Variants in MLIP observed in about 807,000 individuals in gnomAD.
MLIP encodes muscular LMNA-interacting protein.
A neutral mutation model predicts 84.8 loss-of-function variants in MLIP; 79 were observed. The observed-to-expected ratio is 0.93, with a 90% CI of 0.78 to 1.12. The LOEUF is 1.12. Ranked by LOEUF, MLIP falls within the 50% of genes most tolerant of loss-of-function variation. The pLI, the probability that MLIP is intolerant of heterozygous loss-of-function variation, is 0.00. For synonymous variants in MLIP, 504 were observed against 463.0 expected (o/e 1.09, Z -1.14); for missense variants, 1,257 against 1,160.6 (o/e 1.08, Z -1.21).
At chr6:54,020,073 C>G (rs970891357) in intron 1 of MLIP, among the ~76,000 whole-genome samples, 3 of 152,170 alleles carry the variant, frequency 2.0e-5, no homozygotes, top group Non-Finnish European at 4.4e-5. Flanking sequence ...AGAGTATTTT[C>G]CTTTCTGACT....
chr6:54,112,080 A>G (rs1279936161), intron 1 of MLIP, among the ~76,000 whole-genome samples: 2 of 152,204 alleles, frequency 1.3e-5, no homozygotes, highest in African/African-American at 4.8e-5. Flanking sequence ...TTCTATGACT[A>G]AATTAGTTTC....
chr6:54,234,543 C>G (rs991193539), intron 12 of MLIP, among the ~76,000 whole-genome samples: 3 of 152,062 alleles, frequency 2.0e-5, no homozygotes, highest in African/African-American at 7.2e-5. Context: ...GATGATGCTG[C>G]AAATCTATCA....
intron 13 of MLIP, among the ~76,000 whole-genome samples, chr6:54,261,448 G>A (rs769224752): frequency 9.2e-5 from 14 of 151,972 alleles, no homozygotes; most frequent in Non-Finnish European, 1.5e-4. Flanking sequence ...AGAGCTAATC[G>A]TTCACTAGCT....
chr6:54,124,862 G>T lies in MLIP; in HGVS notation c.642G>T (p.Gly214=). The T allele has an allele frequency of 1.3e-6, 2 of 1,576,682 alleles. No homozygotes were observed. Among genetic ancestry groups the T allele is most frequent in the Non-Finnish European group, 1.7e-6 (2 of 1,162,696 alleles). Reference sequence around the variant, plus strand: ...GGATGGCCCCTCAGCAAAAGCATGGGCAGGTAGGTTTTGTGTTCCTGCTGT... The same window carrying T: ...GGATGGCCCCTCAGCAAAAGCATGGTCAGGTAGGTTTTGTGTTCCTGCTGT... ...LHGMAPQQKH[G]QLTSSPTTSE... is the part of the protein sequence containing the mutation. The change falls in exon 3 of 14, where the codon GGG becomes GGT. Residue 214 remains glycine, a synonymous_variant. Coordinates refer to ENST00000502396, the MANE Select transcript of MLIP (RefSeq NM_001281747.2).
chr6:54,182,497 G>C (rs1398257216), intron 9 of MLIP, among the ~76,000 whole-genome samples: 1 of 152,126 alleles, frequency 6.6e-6, no homozygotes, highest in African/African-American at 2.4e-5. Flanking sequence ...CACCTAATTT[G>C]CTTCTTGAGA....
At chr6:54,115,301 G>A (rs1769816120) in intron 1 of MLIP, among the ~76,000 whole-genome samples, 1 of 152,120 alleles carries the variant, frequency 6.6e-6, no homozygotes, top group Non-Finnish European at 1.5e-5. Context: ...GGAGGACAAG[G>A]GATTTGAGGG....
chr6:54,083,698 G>A (rs556318310), intron 1 of MLIP: 3 of 1,441,620 alleles, frequency 2.1e-6, no homozygotes, highest in South Asian at 1.2e-5. Flanking sequence ...GCTGTGTACT[G>A]TCTTTGTATT....
At chr6:54,020,895 C>T (rs1407054488) in intron 1 of MLIP, among the ~76,000 whole-genome samples, 2 of 152,158 alleles carry the variant, frequency 1.3e-5, no homozygotes, top group East Asian at 3.8e-4. Flanking sequence ...GGCAGGAACA[C>T]ATGAAAGCCC....
chr6:54,231,181 C>G (rs1780976611), intron 12 of MLIP, among the ~76,000 whole-genome samples: 1 of 152,054 alleles, frequency 6.6e-6, no homozygotes, highest in Admixed American at 6.5e-5. Flanking sequence ...TGTTCTAACT[C>G]CATGGTGGAA....
At chr6:54,050,883 C>T (rs1395185403) in intron 1 of MLIP, among the ~76,000 whole-genome samples, 5 of 152,130 alleles carry the variant, frequency 3.3e-5, no homozygotes, top group Non-Finnish European at 7.4e-5. Flanking sequence ...ATACGCTTAT[C>T]TTTCACATGA....
intron 4 of MLIP, among the ~76,000 whole-genome samples, chr6:54,147,521 G>A (rs1019737677): frequency 6.6e-6 from 1 of 152,114 alleles, no homozygotes; most frequent in African/African-American, 2.4e-5. Flanking sequence ...TGGGAGTGTA[G>A]GTTCCTTAAG....
chr6:54,048,032 C>A (rs1160777255), intron 1 of MLIP, among the ~76,000 whole-genome samples: 1 of 152,068 alleles, frequency 6.6e-6, no homozygotes, highest in Non-Finnish European at 1.5e-5. Context: ...TGCATAGGAC[C>A]CCTCTTTGAG....
At chr6:54,171,697 GTT>G (rs889100702) in intron 9 of MLIP, among the ~76,000 whole-genome samples, 3 of 151,004 alleles carry the variant, frequency 2.0e-5, no homozygotes, top group African/African-American at 7.3e-5. Flanking sequence ...AATATGTTCT[GTT>G]TTTTTAAAAG....
At chr6:54,191,882 T>A (rs1029877459) in intron 10 of MLIP, among the ~76,000 whole-genome samples, 11 of 151,898 alleles carry the variant, frequency 7.2e-5, no homozygotes, top group African/African-American at 2.7e-4. Context: ...GTATATAAAA[T>A]ATAGATTTTA....
At chr6:54,187,143 C>A (rs1047209120) in intron 9 of MLIP, among the ~76,000 whole-genome samples, 26 of 152,162 alleles carry the variant, frequency 1.7e-4, no homozygotes, top group African/African-American at 6.0e-4. Flanking sequence ...TGGGGATCTG[C>A]CATCTAGAGA....
At chr6:54,178,339 A>G (rs1266887223) in intron 9 of MLIP, among the ~76,000 whole-genome samples, 1 of 151,158 alleles carries the variant, frequency 6.6e-6, no homozygotes, top group African/African-American at 2.4e-5. Flanking sequence ...AGATTTGTCA[A>G]TTTTCTTTCT....
intron 1 of MLIP, among the ~76,000 whole-genome samples, chr6:54,047,931 G>A (rs1765161325): frequency 6.6e-6 from 1 of 152,128 alleles, no homozygotes; most frequent in African/African-American, 2.4e-5. Context: ...CACAAACTCA[G>A]GACTGTGCTC....
At chr6:54,148,403 T>G (rs1389014117) in intron 4 of MLIP, among the ~76,000 whole-genome samples, 2 of 152,170 alleles carry the variant, frequency 1.3e-5, no homozygotes, top group African/African-American at 4.8e-5. Flanking sequence ...AATTTTAACA[T>G]TTGCTTCATT....
At chr6:54,117,181 A>T (rs1430009286) in intron 1 of MLIP, among the ~76,000 whole-genome samples, 1 of 151,582 alleles carries the variant, frequency 6.6e-6, no homozygotes, top group African/African-American at 2.4e-5. Context: ...AAGATTTGGA[A>T]AAAAGACAAG....
Sources: gnomAD v4.1 joint callset for allele counts (sites outside exome capture counted in the v4.1 genomes callset) on GRCh38, gnomAD v4.1.1 for gene constraint, MANE v1.5 for transcripts, NCBI Gene and HGNC (gene_info 2026-07-23, HGNC 2026-07-21) for gene names.